The following MAP2K6 variants were observed in gnomAD, a reference collection of about 807,000 sequenced individuals.
MAP2K6 encodes the protein mitogen-activated protein kinase kinase 6, also known as dual specificity mitogen-activated protein kinase kinase 6.
MAP2K6 carries 16 observed loss-of-function variants against 53.7 expected under a neutral mutation model. The ratio of observed to expected loss-of-function variants is 0.30; its 90% CI spans 0.20 to 0.45. The LOEUF is 0.45. MAP2K6 is among the 20% of genes least tolerant of loss of function. The probability of loss-of-function intolerance (pLI) is 1.00; values close to 1 mark genes in which losing one functional copy is unlikely to be tolerated. For synonymous variants in MAP2K6, 132 were observed against 143.1 expected (o/e 0.92, Z 0.55); for missense variants, 204 against 411.9 (o/e 0.50, Z 4.37).
At chr17:69,415,069 C>G in intron 1 of MAP2K6, 69 bp downstream of exon 1, 1 of 1,425,926 alleles carries the variant, frequency 7.0e-7, no homozygotes. Flanking sequence ...TGCATGGATG[C>G]AATTTTCGCC....
At chr17:69,468,533 C>T (rs1002269585) in intron 1 of MAP2K6, among the ~76,000 whole-genome samples, 2 of 152,152 alleles carry the variant, frequency 1.3e-5, no homozygotes, top group African/African-American at 4.8e-5. Context: ...GCAAAGGAAA[C>T]AAACCAGGAT....
In MAP2K6 at chr17:69,523,786, T is replaced by G. The variant is rs148470011; in HGVS notation, c.663+145T>G. 224 of 1,063,890 alleles carry G rather than the reference T, an allele frequency of 2.1e-4. 1 individual carries two copies. In the East Asian group the frequency reaches 4.9e-3, roughly 23 times the overall value. 65.9% of individuals were successfully genotyped at this position (1,063,890 alleles called of 1,614,324 possible). On this transcript the variant is annotated intron_variant, in intron 8 of 11. Transcript: ENST00000590474. The stretch of plus-strand genomic sequence containing the variant: ...CTGCCTCTTAGTATTTCTTCAAAAT[T>G]TTATGTCTGAAATCTTTACTCACTT...
At chr17:69,501,312 T>C (rs538332973) in intron 1 of MAP2K6, among the ~76,000 whole-genome samples, 4 of 152,334 alleles carry the variant, frequency 2.6e-5, no homozygotes, top group African/African-American at 9.6e-5. Context: ...CGTGGGCTTC[T>C]CATGCTGTTT....
Position 69,529,843 on chromosome 17 carries a change from A to G in MAP2K6, c.881+3134A>G, listed in dbSNP as rs1221877747. Among the ~76,000 whole-genome samples the G allele has an allele frequency of 1.3e-5, 2 of 152,088 alleles. 1 individual carries two copies. Among genetic ancestry groups the G allele is most frequent in the Admixed American group, 1.3e-4 (2 of 15,266 alleles). On this transcript the variant is annotated intron_variant, in intron 10 of 11. Coordinates refer to ENST00000590474, the MANE Select transcript of MAP2K6 (RefSeq NM_002758.4). ...CTAATTTTAATGTATGCACACATAT[A>G]TGGAAGTTCCAGATACCGGCATCAT...
chr17:69,422,124 ATTTTTTTTTTTTTT>A (rs35694490), intron 1 of MAP2K6, among the ~76,000 whole-genome samples: 1 of 87,366 alleles, frequency 1.1e-5, no homozygotes, highest in African/African-American at 4.6e-5. Context: ...AATCATCGTA[ATTTTTTTTTTTTTT>A]TTTTTTTTTT....
intron 1 of MAP2K6, among the ~76,000 whole-genome samples, chr17:69,418,615 A>G (rs935796558): frequency 5.9e-5 from 9 of 152,186 alleles, no homozygotes; most frequent in South Asian, 2.1e-4. Context: ...ACTTACCAAT[A>G]TATGGCAAAA....
chr17:69,491,099 A>G (rs1348273448), intron 1 of MAP2K6, among the ~76,000 whole-genome samples: 1 of 143,618 alleles, frequency 7.0e-6, no homozygotes, highest in Non-Finnish European at 1.5e-5. Context: ...TATGTACCAC[A>G]TTGTCTTTTT....
At chr17:69,532,881 A>C (rs182760296) in intron 10 of MAP2K6, among the ~76,000 whole-genome samples, 5 of 152,276 alleles carry the variant, frequency 3.3e-5, no homozygotes, top group Admixed American at 1.3e-4. Context: ...TGGATCAACT[A>C]GGGTACTTTC....
At chr17:69,523,457 G>T (rs1910593215) in intron 7 of MAP2K6, 57 bp from the exon 8 acceptor site, 1 of 1,604,054 alleles carries the variant, frequency 6.2e-7, no homozygotes, top group Non-Finnish European at 8.5e-7. Flanking sequence ...TGGTGGCAGA[G>T]AAATGAACCT....
intron 1 of MAP2K6, among the ~76,000 whole-genome samples, chr17:69,486,915 G>T (rs143834381): frequency 1.1e-3 from 173 of 152,292 alleles, no homozygotes; most frequent in African/African-American, 4.1e-3. Context: ...TTGCCCAAAC[G>T]TTTTCCATTT....
intron 1 of MAP2K6, among the ~76,000 whole-genome samples, chr17:69,454,205 T>C (rs549024493): frequency 5.3e-5 from 8 of 152,314 alleles, no homozygotes; most frequent in African/African-American, 1.7e-4. Flanking sequence ...AAGCGCTTCC[T>C]CCATCAGTGA....
chr17:69,466,308 G>GAA (rs1334319918), intron 1 of MAP2K6, among the ~76,000 whole-genome samples: 1 of 149,130 alleles, frequency 6.7e-6, no homozygotes, highest in African/African-American at 2.5e-5. Context: ...AAAAAGAAAA[G>GAA]AAAAAAAGAA....
chr17:69,481,884 C>T (rs73998285), intron 1 of MAP2K6, among the ~76,000 whole-genome samples: 3,859 of 152,220 alleles, frequency 0.025, 163 homozygotes, highest in African/African-American at 0.088. Flanking sequence ...GCCCATGATA[C>T]CCCACTTTCA....
intron 7 of MAP2K6, 127 bp from the exon 8 acceptor site, chr17:69,523,387 T>G: frequency 8.5e-7 from 1 of 1,177,806 alleles, no homozygotes; most frequent in South Asian, 1.4e-5. Context: ...TGGCAGTTAC[T>G]TCTGTGTTGG....
At chr17:69,474,781 T>G (rs547734097) in intron 1 of MAP2K6, among the ~76,000 whole-genome samples, 1 of 152,352 alleles carries the variant, frequency 6.6e-6, no homozygotes, top group African/African-American at 2.4e-5. Context: ...CCTTGACATT[T>G]GCTCTTTAGC....
chr17:69,417,813 G>C (rs1905953556), intron 1 of MAP2K6, among the ~76,000 whole-genome samples: 1 of 152,152 alleles, frequency 6.6e-6, no homozygotes, highest in Admixed American at 6.6e-5. Flanking sequence ...GGGAGGTAGG[G>C]AGATCTGGCA....
At chr17:69,490,912 A>G (rs1908720287) in intron 1 of MAP2K6, among the ~76,000 whole-genome samples, 1 of 151,264 alleles carries the variant, frequency 6.6e-6, no homozygotes, top group Non-Finnish European at 1.5e-5. Flanking sequence ...TTGTTCCCTC[A>G]TGTGTCCGTG....
chr17:69,441,895 G>C (rs963591784), intron 1 of MAP2K6, among the ~76,000 whole-genome samples: 9 of 152,100 alleles, frequency 5.9e-5, no homozygotes, highest in African/African-American at 2.2e-4. Context: ...GGTGCTTCAG[G>C]CTTCCTCCTA....
chr17:69,464,752 G>A (rs942687431), intron 1 of MAP2K6, among the ~76,000 whole-genome samples: 1 of 151,806 alleles, frequency 6.6e-6, no homozygotes, highest in African/African-American at 2.4e-5. Context: ...GTCTCGCTCT[G>A]TTGCCCCAGC....
Sources: gnomAD v4.1 joint callset for allele counts (sites outside exome capture counted in the v4.1 genomes callset) on GRCh38, gnomAD v4.1.1 for gene constraint, MANE v1.5 for transcripts, NCBI Gene and HGNC (gene_info 2026-07-23, HGNC 2026-07-21) for gene names.